CDH20: variants seen among roughly 807,000 people sequenced by gnomAD.
The protein encoded by CDH20 is cadherin 20.
Under a neutral mutation model 74.2 loss-of-function variants are expected in CDH20, and 29 were observed. The observed-to-expected ratio is 0.39, with a 90% CI of 0.29 to 0.53. CDH20 has a LOEUF of 0.53. Ranked by LOEUF, CDH20 falls within the 20% of genes least tolerant of loss-of-function variation. CDH20 has a pLI of 0.69. For missense variants in CDH20, 988 were observed against 1,048.3 expected (o/e 0.94, Z 0.79); for synonymous variants, 469 against 405.4 (o/e 1.16, Z -1.88).
intron 1 of CDH20, among the ~76,000 whole-genome samples, chr18:61,408,511 T>C (rs1912400958): frequency 6.6e-6 from 1 of 152,198 alleles, no homozygotes; most frequent in Admixed American, 6.5e-5. Context: ...CGTTGATCAA[T>C]GTTATAATGA....
chr18:61,486,059 C>T (rs1274717486), intron 1 of CDH20, among the ~76,000 whole-genome samples: 5 of 143,476 alleles, frequency 3.5e-5, no homozygotes, highest in East Asian at 2.0e-4. Context: ...GGCGACAGAG[C>T]GAGACTCCAT....
intron 1 of CDH20, among the ~76,000 whole-genome samples, chr18:61,362,890 G>A (rs1910745992): frequency 6.6e-6 from 1 of 152,138 alleles, no homozygotes; most frequent in East Asian, 1.9e-4. Context: ...TCTCAAAAAT[G>A]TCATCACTTT....
chr18:61,341,752 C>T (rs117304672), intron 1 of CDH20, among the ~76,000 whole-genome samples: 4,025 of 152,218 alleles, frequency 0.026, 66 homozygotes, highest in South Asian at 0.069. Context: ...CAAGGATGTT[C>T]GTCTTATAAA....
chr18:61,446,303 C>A (rs149349552), intron 1 of CDH20, among the ~76,000 whole-genome samples: 2 of 152,146 alleles, frequency 1.3e-5, no homozygotes, highest in Non-Finnish European at 2.9e-5. Flanking sequence ...ACACCTCAAC[C>A]GCATCAGCAT....
intron 1 of CDH20, among the ~76,000 whole-genome samples, chr18:61,336,823 G>C (rs924676489): frequency 6.6e-6 from 1 of 150,846 alleles, no homozygotes; most frequent in Non-Finnish European, 1.5e-5. Flanking sequence ...TATATGGGGG[G>C]GGGTGATGAG....
At chr18:61,542,951 A>T (rs1194095342) in intron 9 of CDH20, among the ~76,000 whole-genome samples, 2 of 152,140 alleles carry the variant, frequency 1.3e-5, no homozygotes, top group East Asian at 3.9e-4. Context: ...CACCTGGATG[A>T]CCCCAACACC....
At chr18:61,502,879 A>T in intron 4 of CDH20, 74 bp from the exon 5 acceptor site, 2 of 1,242,512 alleles carry the variant, frequency 1.6e-6, no homozygotes, top group Admixed American at 2.2e-5. Context: ...CACCAGGGAG[A>T]CACCTAGAAA....
intron 1 of CDH20, among the ~76,000 whole-genome samples, chr18:61,455,312 A>G (rs1244691986): frequency 6.6e-6 from 1 of 152,224 alleles, no homozygotes; most frequent in Non-Finnish European, 1.5e-5. Context: ...AAATTGGGGA[A>G]ATCCAAATAA....
chr18:61,494,327 G>A (rs966735016), intron 2 of CDH20, among the ~76,000 whole-genome samples: 6 of 152,098 alleles, frequency 3.9e-5, no homozygotes, highest in Non-Finnish European at 7.3e-5. Context: ...GATCTCTCAT[G>A]CTGGGTAGTT....
intron 1 of CDH20, among the ~76,000 whole-genome samples, chr18:61,423,542 A>T (rs906328754): frequency 1.3e-5 from 2 of 152,104 alleles, no homozygotes; most frequent in African/African-American, 4.8e-5. Flanking sequence ...TTAAGCATCT[A>T]TTAAGTCCAG....
At chr18:61,453,824 G>A (rs562923447) in intron 1 of CDH20, among the ~76,000 whole-genome samples, 2 of 152,254 alleles carry the variant, frequency 1.3e-5, no homozygotes, top group South Asian at 4.2e-4. Flanking sequence ...ATAAATGCCC[G>A]AGTGCAACTG....
chr18:61,387,093 G>A (rs1911623885), intron 1 of CDH20, among the ~76,000 whole-genome samples: 1 of 152,104 alleles, frequency 6.6e-6, no homozygotes, highest in South Asian at 2.1e-4. Context: ...TGTCAGCCAG[G>A]AACTCTGGTA....
At chr18:61,340,018 C>T (rs1909894285) in intron 1 of CDH20, among the ~76,000 whole-genome samples, 1 of 151,932 alleles carries the variant, frequency 6.6e-6, no homozygotes, top group South Asian at 2.1e-4. Flanking sequence ...TGACATGTAG[C>T]CCCCAACACC....
In CDH20 at chr18:61,490,755, G is replaced by C; in HGVS notation, c.202G>C (p.Val68Leu). Reference sequence around the variant, plus strand: ...GAGCTGGGTTTGGAACCAGTTTTTCGTTCTGGAAGAGTACACTGGGACCGA... The same window carrying C: ...GAGCTGGGTTTGGAACCAGTTTTTCCTTCTGGAAGAGTACACTGGGACCGA... ...KRSWVWNQFF[V>L]LEEYTGTDPL... Residue 68 changes from valine to leucine, a missense_variant, in exon 2 of 12, where the codon GTT (valine) becomes CTT (leucine). Physicochemically the swap from Val to Leu is conservative, Grantham distance 32. Around this residue, in one of 2 missense-constraint regions of CDH20, gnomAD observed 613 missense variants for 755.2 expected, o/e 0.81. Coordinates refer to ENST00000262717, the MANE Select transcript of CDH20 (RefSeq NM_031891.4). 1.9e-6 allele frequency: 3 copies of C among 1,614,092 alleles called. No individual in the cohort carries two copies. Among genetic ancestry groups the C allele is most frequent in the Non-Finnish European group, 2.5e-6 (3 of 1,180,010 alleles).
intron 1 of CDH20, among the ~76,000 whole-genome samples, chr18:61,359,033 C>T (rs1910596676): frequency 6.6e-6 from 1 of 152,176 alleles, no homozygotes; most frequent in Non-Finnish European, 1.5e-5. Flanking sequence ...TCCTCACAAA[C>T]ATCTCTAGAA....
chr18:61,484,852 C>T (rs1396028197), intron 1 of CDH20, among the ~76,000 whole-genome samples: 6 of 151,988 alleles, frequency 3.9e-5, no homozygotes. Flanking sequence ...TTTACCTTCC[C>T]CTTACCCACA....
chr18:61,390,626 A>AG (rs1325499806), intron 1 of CDH20, among the ~76,000 whole-genome samples: 2 of 152,220 alleles, frequency 1.3e-5, no homozygotes, highest in African/African-American at 4.8e-5. Flanking sequence ...AATCTGGCAC[A>AG]GGGGATGAGA....
At chr18:61,538,601 TG>T (rs57281826) in intron 8 of CDH20, among the ~76,000 whole-genome samples, 4,555 of 35,608 alleles carry the variant, frequency 0.13, 998 homozygotes, top group East Asian at 0.41. Context: ...TGTTTGTTTT[TG>T]TTTTTGTTTT....
chr18:61,425,470 G>C (rs1350849471), intron 1 of CDH20, among the ~76,000 whole-genome samples: 1 of 152,186 alleles, frequency 6.6e-6, no homozygotes, highest in African/African-American at 2.4e-5. Flanking sequence ...CTCAGACGGT[G>C]GTACCAAGGT....
Sources: allele counts gnomAD v4.1 joint callset (sites outside exome capture counted in the v4.1 genomes callset), GRCh38; gene constraint gnomAD v4.1.1; regional missense constraint gnomAD v4.1.1; transcripts MANE v1.5; gene names NCBI Gene and HGNC (gene_info 2026-07-23, HGNC 2026-07-21).